ST6GAL2: variants seen among roughly 807,000 people sequenced by gnomAD.
ST6GAL2 encodes the protein ST6 beta-galactoside alpha-2,6-sialyltransferase 2.
A neutral mutation model predicts 37.5 loss-of-function variants in ST6GAL2; 24 were observed. The ratio of observed to expected loss-of-function variants is 0.64; its 90% CI spans 0.46 to 0.90. The LOEUF (loss-of-function observed/expected upper bound fraction) is 0.90. Among genes scored for constraint, ST6GAL2 ranks in the 40% least tolerant of loss-of-function variants. The probability of loss-of-function intolerance (pLI) is 0.00; values close to 1 mark genes in which losing one functional copy is unlikely to be tolerated. For missense variants in ST6GAL2, 715 were observed against 712.7 expected, an observed-to-expected ratio of 1.00 and a Z score of -0.04; for synonymous variants, 306 against 295.1, an observed-to-expected ratio of 1.04 and a Z score of -0.38.
chr2:106,807,011 T>C (rs1265776339), intron 5 of ST6GAL2, 62 bp from the exon 6 acceptor site: 7 of 1,447,216 alleles, frequency 4.8e-6, no homozygotes, highest in African/African-American at 1.4e-5. Flanking sequence ...GATGAGTTTT[T>C]TGGGGGAGGG....
chr2:106,882,330 G>C (rs895688092), intron 1 of ST6GAL2, among the ~76,000 whole-genome samples: 77 of 152,250 alleles, frequency 5.1e-4, no homozygotes, highest in African/African-American at 1.7e-3. Context: ...TGGACACCCA[G>C]ACACAGGTTC....
At chr2:106,865,997 G>C (rs142169436) in intron 1 of ST6GAL2, among the ~76,000 whole-genome samples, 107 of 152,306 alleles carry the variant, frequency 7.0e-4, no homozygotes, top group African/African-American at 2.5e-3. Context: ...TACCACAATA[G>C]AGCCATCACA....
Position 106,804,190 on chromosome 2 carries a change from C to G in ST6GAL2, c.*2488G>C, listed in dbSNP as rs1448934114. ...TGTAACCTCAATGAAACTGAAAGTA[C>G]TATTTTAAAAGTACAATGACTACGA... On this transcript the variant is annotated 3_prime_UTR_variant, in exon 6 of 6. Transcript: ENST00000409382. 1 of 152,054 alleles carries G rather than the reference C, an allele frequency of 6.6e-6. No individual in the cohort carries two copies. The highest frequency in any genetic ancestry group is 1.5e-5 in the Non-Finnish European group (1 of 68,014). 9.4% of individuals were successfully genotyped at this position (152,054 alleles called of 1,614,324 possible).
At chr2:106,827,196 G>GA (rs932616995) in intron 5 of ST6GAL2, among the ~76,000 whole-genome samples, 2 of 151,700 alleles carry the variant, frequency 1.3e-5, no homozygotes, top group African/African-American at 2.4e-5. Context: ...TTTGATAGCA[G>GA]AAAAAAAACC....
upstream of ST6GAL2, chr2:106,886,956 C>T (rs1679027911): frequency 6.6e-6 from 1 of 152,514 alleles, no homozygotes; most frequent in South Asian, 2.1e-4. Flanking sequence ...CCATCCAGCC[C>T]TAGTTCTTCC....
chr2:106,807,455 A>G (rs1456725785), intron 5 of ST6GAL2, among the ~76,000 whole-genome samples: 1 of 152,216 alleles, frequency 6.6e-6, no homozygotes, highest in African/African-American at 2.4e-5. Flanking sequence ...TGTACAATGG[A>G]TCAGCTCTTA....
intron 1 of ST6GAL2, 166 bp downstream of exon 1, chr2:106,885,927 C>T (rs1184311775): frequency 6.6e-6 from 1 of 152,462 alleles, no homozygotes; most frequent in Non-Finnish European, 1.5e-5. Context: ...AGCCGTCCTC[C>T]CGTTCGCTTC....
chr2:106,865,060 G>A (rs979291124), intron 1 of ST6GAL2, among the ~76,000 whole-genome samples: 1 of 152,140 alleles, frequency 6.6e-6, no homozygotes, highest in Non-Finnish European at 1.5e-5. Flanking sequence ...ATGTGCAAGA[G>A]CTCATCATTG....
intron 5 of ST6GAL2, among the ~76,000 whole-genome samples, chr2:106,817,773 G>T (rs902768250): frequency 6.6e-6 from 1 of 152,216 alleles, no homozygotes; most frequent in African/African-American, 2.4e-5. Context: ...GGCTCCTGGG[G>T]TGCCAGATTC....
At position 106,806,830 on chromosome 2, in the gene ST6GAL2, C is replaced by G; in HGVS notation, c.1438G>C (p.Gly480Arg). The change falls in exon 6 of 6, where the codon GGG (glycine) becomes CGG (arginine). Residue 480 changes from glycine to arginine, a missense_variant. Gly to Arg is a moderately radical substitution (Grantham distance 125). Transcript: ENST00000409382. ...ELYYDAACTLGAYHPLLYEKL... is the reference protein window; with the variant it reads ...ELYYDAACTLRAYHPLLYEKL... ...TCATAGAGTAGTGGGTGGTACGCCC[C>G]GAGGGTGCAGGCTGCGTCGTAGTAC... 6.2e-7 allele frequency: 1 copy of G among 1,614,116 alleles called. No homozygotes were observed. The highest frequency in any genetic ancestry group is 8.5e-7 in the Non-Finnish European group (1 of 1,180,034).
intron 5 of ST6GAL2, among the ~76,000 whole-genome samples, chr2:106,826,289 A>G (rs13384770): frequency 0.24 from 36,201 of 152,062 alleles, 5,112 homozygotes; most frequent in East Asian, 0.49. Context: ...CTGCTTCTGA[A>G]GAGGCCTCAG....
intron 2 of ST6GAL2, among the ~76,000 whole-genome samples, chr2:106,838,727 A>G (rs1275414238): frequency 6.6e-6 from 1 of 152,186 alleles, no homozygotes; most frequent in Admixed American, 6.5e-5. Flanking sequence ...TAAGGTTTAC[A>G]ACAGTTAGCA....
At chr2:106,811,897 G>A (rs546937786) in intron 5 of ST6GAL2, among the ~76,000 whole-genome samples, 2 of 152,254 alleles carry the variant, frequency 1.3e-5, no homozygotes, top group East Asian at 1.9e-4. Flanking sequence ...AGGAAGAAGT[G>A]TACAGGGTAA....
chr2:106,853,414 G>C (rs1677453858), intron 1 of ST6GAL2, among the ~76,000 whole-genome samples: 1 of 152,252 alleles, frequency 6.6e-6, no homozygotes, highest in South Asian at 2.1e-4. Context: ...AGGCAAAACA[G>C]TTCTGCCTTT....
In ST6GAL2 at chr2:106,843,322, G is replaced by C; in HGVS notation, c.656C>G (p.Pro219Arg). Residue 219 changes from proline to arginine, a missense_variant, in exon 2 of 6, where the codon CCG (proline) becomes CGG (arginine). This residue lies in a region of ST6GAL2 where 512 missense variants were observed against 488.8 expected (regional missense o/e 1.05). Transcript: ENST00000409382. ...ATCCTTCATCGCCTTCTGCAGGCGC[G>C]GGTTCAGCATTTTGGAAGAGACGTT... ...KGNVSSKMLN[P>R]RLQKAMKDYL... 2 of 1,613,950 alleles carry C rather than the reference G, an allele frequency of 1.2e-6. No individual in the cohort carries two copies. Among genetic ancestry groups the C allele is most frequent in the Non-Finnish European group, 1.7e-6 (2 of 1,179,978 alleles).
chr2:106,884,928 T>TAC lies in ST6GAL2; in HGVS notation c.-58+1164_-58+1165insGT, dbSNP rs1185755842. On this transcript the variant is annotated intron_variant, in intron 1 of 5. Transcript: ENST00000409382. ...GCGCATATATATATATATATATATATATATATACATACACACACACACATA... is the reference window on the plus strand; with the variant it reads ...GCGCATATATATATATATATATATATACATATATACATACACACACACACATA... 2.5e-4 allele frequency among the ~76,000 whole-genome samples: 31 copies of TAC among 123,756 alleles called. 2 individuals are homozygous for TAC. Among genetic ancestry groups the TAC allele is most frequent in the Middle Eastern group, 3.9e-3 (1 of 256 alleles). 81.2% of individuals were successfully genotyped at this position (123,756 alleles called of 152,430 possible).
chr2:106,861,492 CAATACAA>C (rs1414818095), intron 1 of ST6GAL2, among the ~76,000 whole-genome samples: 1 of 152,090 alleles, frequency 6.6e-6, no homozygotes, highest in East Asian at 1.9e-4. Flanking sequence ...ATTAAAAAGA[CAATACAA>C]CATGTTCTTA....
intron 1 of ST6GAL2, among the ~76,000 whole-genome samples, chr2:106,872,058 G>A (rs573357383): frequency 1.7e-4 from 26 of 152,258 alleles, no homozygotes; most frequent in African/African-American, 4.8e-4. Context: ...TAAAATACAC[G>A]TAATGCAGTA....
intron 3 of ST6GAL2, among the ~76,000 whole-genome samples, chr2:106,833,378 T>G (rs1290237412): frequency 6.6e-6 from 1 of 152,216 alleles, no homozygotes; most frequent in Non-Finnish European, 1.5e-5. Context: ...GGAAATATGG[T>G]AATTGTTTCT....
Sources: allele counts gnomAD v4.1 joint callset (sites outside exome capture counted in the v4.1 genomes callset), GRCh38; gene constraint gnomAD v4.1.1; regional missense constraint gnomAD v4.1.1; transcripts MANE v1.5; gene names NCBI Gene and HGNC (gene_info 2026-07-23, HGNC 2026-07-21).